The following CATSPERD variants were observed in gnomAD, a reference collection of about 807,000 sequenced individuals.
CATSPERD encodes cation channel sperm-associated auxiliary subunit delta.
In CATSPERD, 86 loss-of-function variants were observed where a neutral mutation model predicts 98.1. The observed-to-expected ratio is 0.88, with a 90% CI of 0.74 to 1.05. The LOEUF (loss-of-function observed/expected upper bound fraction) is 1.05, where lower values mean the gene tolerates loss of function less well. CATSPERD is among the 50% of genes least tolerant of loss of function. The pLI, the probability that CATSPERD is intolerant of heterozygous loss-of-function variation, is 0.00. For missense variants in CATSPERD, 995 were observed against 1,005.7 expected, an observed-to-expected ratio of 0.99 and a Z score of 0.14; for synonymous variants, 394 against 390.2, an observed-to-expected ratio of 1.01 and a Z score of -0.12.
intron 8 of CATSPERD, among the ~76,000 whole-genome samples, chr19:5,744,806 G>A (rs2056065014): frequency 6.6e-6 from 1 of 151,992 alleles, no homozygotes; most frequent in Non-Finnish European, 1.5e-5. Flanking sequence ...TCACCATGTT[G>A]GCCAGGCTGG....
intron 15 of CATSPERD, among the ~76,000 whole-genome samples, chr19:5,762,719 T>C (rs533012972): frequency 7.3e-5 from 11 of 149,768 alleles, no homozygotes; most frequent in African/African-American, 2.5e-4. Context: ...AGTGGGTAGA[T>C]GGATGAGTGG....
At chr19:5,749,263 G>A in intron 11 of CATSPERD, 80 bp downstream of exon 11, 1 of 978,496 alleles carries the variant, frequency 1.0e-6, no homozygotes, top group Non-Finnish European at 1.5e-6. Context: ...AGGCTGAGGT[G>A]GAAGGATCAC....
chr19:5,758,982 C>A, intron 14 of CATSPERD, 104 bp from the exon 15 acceptor site: 1 of 991,968 alleles, frequency 1.0e-6, no homozygotes, highest in Non-Finnish European at 1.6e-6. Flanking sequence ...CCAGGTTCGT[C>A]CCCCCATGTC....
At chr19:5,736,661 C>T (rs758774818) in intron 5 of CATSPERD, among the ~76,000 whole-genome samples, 3 of 151,986 alleles carry the variant, frequency 2.0e-5, no homozygotes, top group Non-Finnish European at 2.9e-5. Flanking sequence ...TGGCAGTGAG[C>T]CACCACTGCA....
chr19:5,747,190 T>G (rs1286504210), intron 9 of CATSPERD, among the ~76,000 whole-genome samples: 14 of 116,356 alleles, frequency 1.2e-4, no homozygotes, highest in Middle Eastern at 4.9e-3. Context: ...TTTTTTTTTT[T>G]GGGACACAGT....
chr19:5,721,189 G>A (rs2055462938), intron 1 of CATSPERD, among the ~76,000 whole-genome samples: 1 of 151,828 alleles, frequency 6.6e-6, no homozygotes, highest in Admixed American at 6.6e-5. Flanking sequence ...TTTTAGTAAA[G>A]ACGGGGGTTT....
intron 13 of CATSPERD, among the ~76,000 whole-genome samples, chr19:5,756,403 T>C (rs2056325104): frequency 6.6e-6 from 1 of 152,186 alleles, no homozygotes; most frequent in Admixed American, 6.6e-5. Flanking sequence ...CAGATGGCAG[T>C]GATGGTTGCA....
intron 15 of CATSPERD, 68 bp downstream of exon 15, chr19:5,759,212 G>A: frequency 2.1e-6 from 3 of 1,434,906 alleles, no homozygotes; most frequent in South Asian, 1.1e-5. Flanking sequence ...GGAGCGAAGA[G>A]AAGCAGGTCT....
chr19:5,745,248 G>C (rs2056072157), intron 8 of CATSPERD, among the ~76,000 whole-genome samples: 1 of 152,012 alleles, frequency 6.6e-6, no homozygotes, highest in African/African-American at 2.4e-5. Context: ...ACTGCGCCTG[G>C]CCCAATGGTA....
rs375816424 is a variant in CATSPERD, at chr19:5,720,811, G to A, written c.71+3G>A. ...CTGGTCACAGCTCAGCTCTGTCGGT[G>A]GGGCTGCCAGGACTCCTGGGGCTGG... On this transcript the variant is annotated splice_donor_region_variant and intron_variant, in intron 1 of 21. Coordinates refer to ENST00000381624, the MANE Select transcript of CATSPERD (RefSeq NM_152784.4). 7 of 1,597,576 alleles carry A rather than the reference G, an allele frequency of 4.4e-6. No individual in the cohort carries two copies. The highest frequency in any genetic ancestry group is 5.9e-6 in the Non-Finnish European group (7 of 1,178,112).
rs772783692 is a variant in CATSPERD, at chr19:5,778,425, C to G, written c.2146C>G (p.Pro716Ala). The G allele has an allele frequency of 6.2e-7, 1 of 1,613,866 alleles. No homozygotes were observed. The highest frequency in any genetic ancestry group is 2.2e-5 in the East Asian group (1 of 44,874). The stretch of plus-strand genomic sequence containing the variant: ...TAGCATCTACGTGTATGGAGCATTC[C>G]CCGTGCAGCTGGTCTCTGCTGGAGT... Reference protein sequence around the residue: ...IFSIYVYGAFPVQLVSAGVVI... With the variant: ...IFSIYVYGAFAVQLVSAGVVI... Residue 716 changes from proline to alanine, a missense_variant, in exon 22 of 22, where the codon CCC (proline) becomes GCC (alanine). By Grantham distance (27) the Pro-to-Ala change is conservative (BLOSUM62 -1). Coordinates refer to ENST00000381624, the MANE Select transcript of CATSPERD (RefSeq NM_152784.4).
chr19:5,760,520 T>C, intron 15 of CATSPERD, among the ~76,000 whole-genome samples: 1 of 149,292 alleles, frequency 6.7e-6, no homozygotes, highest in Admixed American at 6.7e-5. Context: ...GTGATTCCAC[T>C]CCTAGGAGGA....
chr19:5,761,039 T>C (rs541421392), intron 15 of CATSPERD, among the ~76,000 whole-genome samples: 2 of 67,950 alleles, frequency 2.9e-5, no homozygotes, highest in Admixed American at 3.5e-4. Flanking sequence ...TTGTTTTGTT[T>C]TTGTTTTTTT....
chr19:5,774,072 A>G (rs1174594326), intron 20 of CATSPERD, among the ~76,000 whole-genome samples: 3 of 150,392 alleles, frequency 2.0e-5, no homozygotes, highest in South Asian at 2.1e-4. Flanking sequence ...AGTTCAAGCA[A>G]TTCTCCCGCC....
chr19:5,762,369 C>A (rs1391357277), intron 15 of CATSPERD, among the ~76,000 whole-genome samples: 1 of 151,940 alleles, frequency 6.6e-6, no homozygotes, highest in Non-Finnish European at 1.5e-5. Context: ...CAGCCCCATA[C>A]ACTTTTAAAC....
intron 19 of CATSPERD, chr19:5,772,382 T>C (rs1047615851): frequency 1.5e-4 from 38 of 255,186 alleles, no homozygotes; most frequent in Non-Finnish European, 2.2e-4. Context: ...CGCCCGCCAC[T>C]GCGCCCGGCT....
At chr19:5,766,459 G>GA (rs71979608) in intron 17 of CATSPERD, among the ~76,000 whole-genome samples, 44 of 142,548 alleles carry the variant, frequency 3.1e-4, no homozygotes, top group South Asian at 4.6e-4. Context: ...CTCTCGTCTT[G>GA]AAAAAAAAAA....
rs2056774820 is a variant in CATSPERD, at chr19:5,778,588, G to T, written c.2309G>T (p.Cys770Phe). The stretch of plus-strand genomic sequence containing the variant: ...CTGTGTAGGAGATGCAAGACGGTCT[G>T]CCAGTTCAGGGCCTCAGCCACAGCC... ...TQLCRRCKTV[C>F]QFRASATARA... Residue 770 changes from cysteine (C) to phenylalanine (F), a missense_variant, in exon 22 of 22, where the codon TGC becomes TTC. Cys to Phe is a radical substitution (Grantham distance 205). Around this residue, in one of 3 missense-constraint regions of CATSPERD, gnomAD observed 762 missense variants for 773.7 expected, o/e 0.98. Transcript: ENST00000381624. The T allele has an allele frequency of 3.7e-6, 6 of 1,613,810 alleles. No individual in the cohort carries two copies. The highest frequency in any genetic ancestry group is 5.1e-6 in the Non-Finnish European group (6 of 1,180,022).
At chr19:5,739,544 C>T in intron 7 of CATSPERD, 105 bp downstream of exon 7, 1 of 657,982 alleles carries the variant, frequency 1.5e-6, no homozygotes, top group Non-Finnish European at 2.6e-6. Flanking sequence ...TTTAAGAGTC[C>T]AACTGGGACA....
Sources: gnomAD v4.1 joint callset for allele counts (sites outside exome capture counted in the v4.1 genomes callset) on GRCh38, gnomAD v4.1.1 for gene constraint, gnomAD v4.1.1 regional missense constraint, MANE v1.5 for transcripts, NCBI Gene and HGNC (gene_info 2026-07-23, HGNC 2026-07-21) for gene names.